Variants in TSC1 observed in about 807,000 individuals in gnomAD.
TSC1 encodes the protein hamartin.
A neutral mutation model predicts 124.3 loss-of-function variants in TSC1; 20 were observed. That is an observed-to-expected ratio of 0.16 (90% CI 0.11 to 0.23). The LOEUF (loss-of-function observed/expected upper bound fraction) is 0.23, where lower values mean the gene tolerates loss of function less well. Ranked by LOEUF, TSC1 falls within the 10% of genes least tolerant of loss-of-function variation. The pLI, the probability that TSC1 is intolerant of heterozygous loss-of-function variation, is 1.00. For missense variants in TSC1, 1,124 were observed against 1,448.5 expected (o/e 0.78, Z 3.64); for synonymous variants, 493 against 539.1 (o/e 0.91, Z 1.19).
chr9:132,927,418 G>A, intron 3 of TSC1, 114 bp from the exon 4 acceptor site: 1 of 915,956 alleles, frequency 1.1e-6, no homozygotes, highest in Admixed American at 2.0e-5. Context: ...GCTATTCTAA[G>A]TTTTGTGCAG....
chr9:132,938,724 CTG>C (rs1847590757), intron 1 of TSC1, among the ~76,000 whole-genome samples: 1 of 152,116 alleles, frequency 6.6e-6, no homozygotes, highest in Non-Finnish European at 1.5e-5. Context: ...GCATTATGAG[CTG>C]TGAGAGAGCC....
chr9:132,912,605 A>G (rs898180231), intron 8 of TSC1, 148 bp from the exon 9 acceptor site: 7 of 808,112 alleles, frequency 8.7e-6, no homozygotes, highest in African/African-American at 3.4e-5. Flanking sequence ...ATTCTAGTAC[A>G]TAAAGAAATA....
rs118203507 is a variant in TSC1 at position 132,910,483 on chromosome 9, T to C, written c.1263+88A>G. On this transcript the variant is annotated intron_variant, in intron 12 of 22. Coordinates refer to ENST00000298552, the MANE Select transcript of TSC1 (RefSeq NM_000368.5). The stretch of plus-strand genomic sequence containing the variant: ...CCCATTGCATTTTAGGTCAGAATTC[T>C]ATCTGGCATAATTAGGCTTCTCAAA... 5,734 of 1,606,576 alleles carry C rather than the reference T, an allele frequency of 3.6e-3. 13 individuals are homozygous for C. Among genetic ancestry groups the C allele is most frequent in the Non-Finnish European group, 4.5e-3 (5,273 of 1,173,876 alleles).
intron 20 of TSC1, chr9:132,900,467 C>T (rs1845306854): frequency 3.9e-6 from 2 of 514,562 alleles, no homozygotes; most frequent in African/African-American, 1.9e-5. Context: ...AAACACTTTA[C>T]ACCTACTCTC....
intron 20 of TSC1, among the ~76,000 whole-genome samples, chr9:132,897,815 C>G (rs1845168392): frequency 6.6e-6 from 1 of 152,138 alleles, no homozygotes; most frequent in South Asian, 2.1e-4. Context: ...CCAAGCAAAT[C>G]ATGTGAAACA....
chr9:132,927,377 G>A lies in TSC1; in HGVS notation c.107-73C>T, dbSNP rs930344179. 5.0e-6 allele frequency: 7 copies of A among 1,406,558 alleles called. No individual in the cohort carries two copies. In the Admixed American group the frequency reaches 1.1e-4, roughly 23 times the overall value. 87.1% of individuals were successfully genotyped at this position (1,406,558 alleles called of 1,614,324 possible). ...CTAAATTTACCTTACACAGCTTCCT[G>A]TCACAAAATCCAGAAAATGTTTCTT... is the stretch of plus-strand genomic sequence containing the variant. On this transcript the variant is annotated intron_variant, in intron 3 of 22. Transcript: ENST00000298552.
intron 1 of TSC1, chr9:132,943,713 C>G (rs946338324): frequency 1.3e-5 from 2 of 152,206 alleles, no homozygotes; most frequent in African/African-American, 4.8e-5. Context: ...GTGCCTGGCA[C>G]ACAGAGAGCA....
chr9:132,906,548 C>CAAAAAA lies in TSC1; in HGVS notation c.1438+177_1438+182dup, dbSNP rs11349075. On this transcript the variant is annotated intron_variant, in intron 14 of 22. Coordinates refer to ENST00000298552, the MANE Select transcript of TSC1 (RefSeq NM_000368.5). This position sits in a 1 kb window ranked among gnomAD's most constrained non-coding sequence, Gnocchi z 4.1. ...AGGGTGACAGAGCAAGACCCTGTCT[C>CAAAAAA]AAAAAAAAAAAAAAAAAAAGTGGCA... The CAAAAAA allele has an allele frequency of 6.5e-5, 27 of 415,208 alleles. 2 individuals are homozygous for CAAAAAA. The highest frequency in any genetic ancestry group is 9.3e-5 in the African/African-American group (3 of 32,384). The allele number at this position is 415,208 out of a possible 1,614,324, so 25.7% of individuals were successfully genotyped here.
chr9:132,904,167 G>A (rs191490734), intron 16 of TSC1, among the ~76,000 whole-genome samples: 4 of 152,268 alleles, frequency 2.6e-5, no homozygotes, highest in Non-Finnish European at 4.4e-5. Context: ...CTTCTCCAGG[G>A]AAGCCTGGCA....
At chr9:132,937,064 C>T (rs540946104) in intron 1 of TSC1, among the ~76,000 whole-genome samples, 1 of 152,350 alleles carries the variant, frequency 6.6e-6, no homozygotes, top group African/African-American at 2.4e-5. Flanking sequence ...GGCAGGCTGG[C>T]CCTCCAGAAA....
At chr9:132,897,745 C>T in intron 20 of TSC1, 135 bp from the exon 21 acceptor site, 1 of 1,206,748 alleles carries the variant, frequency 8.3e-7, no homozygotes, top group Non-Finnish European at 1.1e-6. Context: ...TAAACTAGTA[C>T]AACTTTATGG....
At chr9:132,898,697 C>T (rs1025463341) in intron 20 of TSC1, among the ~76,000 whole-genome samples, 4 of 152,218 alleles carry the variant, frequency 2.6e-5, no homozygotes, top group African/African-American at 9.6e-5. Context: ...CAGGAACATC[C>T]GTGCACTCTC....
intron 8 of TSC1, among the ~76,000 whole-genome samples, chr9:132,915,381 A>G (rs1279207381): frequency 6.6e-6 from 1 of 152,230 alleles, no homozygotes; most frequent in Non-Finnish European, 1.5e-5. Context: ...TAAAAGAAAA[A>G]AAGACACAAA....
chr9:132,940,805 G>A (rs995920590), intron 1 of TSC1: 4 of 152,184 alleles, frequency 2.6e-5, no homozygotes, highest in Admixed American at 6.5e-5. Flanking sequence ...GGTACATAAT[G>A]CTTAGCAGTC....
chr9:132,911,156 T>G (rs369655038), intron 10 of TSC1, 43 bp from the exon 11 acceptor site: 1 of 1,494,508 alleles, frequency 6.7e-7, no homozygotes, highest in African/African-American at 1.4e-5. Context: ...AAAGGAATGC[T>G]AAGTCATCCA....
intron 20 of TSC1, 168 bp downstream of exon 20, chr9:132,900,547 C>A: frequency 9.1e-7 from 1 of 1,096,376 alleles, no homozygotes; most frequent in Non-Finnish European, 1.4e-6. Context: ...AACAAGCTCA[C>A]ATGGTGGCTG....
In TSC1 at chr9:132,903,714, C is replaced by G. The variant is rs1379334013; in HGVS notation, c.2145G>C (p.Arg715=). 1.2e-6 allele frequency: 2 copies of G among 1,613,086 alleles called. No individual in the cohort carries two copies. Residue 715 remains arginine (R), a synonymous_variant, in exon 17 of 23, where the codon CGG becomes CGC. Transcript: ENST00000298552. This position sits in a 1 kb window ranked among gnomAD's most constrained non-coding sequence, Gnocchi z 5.9. The part of the protein sequence containing the change: ...ERFKRQQHAL[R]NRRLLRKVIK... Reference sequence around the variant, plus strand: ...TCACCTTGCGGAGGAGCCGCCTGTTCCGGAGGGCATGCTGCTGCCTCTTAA... The same window carrying G: ...TCACCTTGCGGAGGAGCCGCCTGTTGCGGAGGGCATGCTGCTGCCTCTTAA...
In TSC1 at chr9:132,921,884, C is replaced by T. The variant is rs118203410; in HGVS notation, c.598G>A (p.Val200Ile). ...RLYGMYPCNF[V>I]SFLRSHYSMK... ...CTGTAATGAGAACGCAAAAAGGAGA[C>T]GAAGTTGCAAGGGTACATTCCATAA... The change falls in exon 7 of 23, where the codon GTC (valine) becomes ATC (isoleucine). Residue 200 changes from valine (V) to isoleucine (I), a missense_variant. Transcript: ENST00000298552. This position sits in a 1 kb window ranked among gnomAD's most constrained non-coding sequence, Gnocchi z 4.3. 1.5e-5 allele frequency: 24 copies of T among 1,613,974 alleles called. No homozygotes were observed. The highest frequency in any genetic ancestry group is 3.3e-5 in the Admixed American group (2 of 59,996).
chr9:132,902,873 TCATAAG>T lies in TSC1; in HGVS notation c.2209-92_2209-87del. 6.6e-7 allele frequency: 1 copy of T among 1,517,356 alleles called. No homozygotes were observed. Among genetic ancestry groups the T allele is most frequent in the Non-Finnish European group, 9.1e-7 (1 of 1,099,036 alleles). 94.0% of individuals were successfully genotyped at this position (1,517,356 alleles called of 1,614,324 possible). A position where few individuals can be genotyped will look rare whatever the true frequency, so the allele number is the denominator to read the frequency against. On this transcript the variant is annotated intron_variant, in intron 17 of 22. Coordinates refer to ENST00000298552, the MANE Select transcript of TSC1 (RefSeq NM_000368.5). This position sits in a 1 kb window ranked among gnomAD's most constrained non-coding sequence, Gnocchi z 5.2. ...CACTGCGAACATTTCATCTGAATAG[TCATAAG>T]CTACCCTGAAAATGTAACTAACTAC...
Sources: gnomAD v4.1 joint callset for allele counts (sites outside exome capture counted in the v4.1 genomes callset) on GRCh38, gnomAD v4.1.1 for gene constraint, Gnocchi (gnomAD v3.1) non-coding constraint, MANE v1.5 for transcripts, NCBI Gene and HGNC (gene_info 2026-07-23, HGNC 2026-07-21) for gene names.